ASIC2: variants seen among roughly 807,000 people sequenced by gnomAD.
ASIC2 encodes the protein acid-sensing ion channel 2.
In ASIC2, 25 loss-of-function variants were observed where a neutral mutation model predicts 57.3. That is an observed-to-expected ratio of 0.44 (90% CI 0.32 to 0.61). ASIC2 has a LOEUF of 0.61. ASIC2 is among the 20% of genes least tolerant of loss of function. The pLI is 0.06. For missense variants in ASIC2, 641 were observed against 738.1 expected (o/e 0.87, Z 1.52); for synonymous variants, 319 against 307.5 (o/e 1.04, Z -0.39).
intron 1 of ASIC2, among the ~76,000 whole-genome samples, chr17:33,463,905 C>T (rs1912724230): frequency 6.6e-6 from 1 of 152,192 alleles, no homozygotes; most frequent in South Asian, 2.1e-4. Context: ...GCACCTGGCA[C>T]ATAGGAGGGG....
intron 1 of ASIC2, among the ~76,000 whole-genome samples, chr17:34,118,039 C>T (rs1324496634): frequency 1.3e-5 from 2 of 152,156 alleles, no homozygotes; most frequent in Non-Finnish European, 2.9e-5. Flanking sequence ...CTTCTGGTGT[C>T]AGGCTGGGGG....
intron 1 of ASIC2, among the ~76,000 whole-genome samples, chr17:34,068,945 T>C (rs183952474): frequency 2.2e-4 from 33 of 152,234 alleles, no homozygotes; most frequent in Non-Finnish European, 4.4e-5. Context: ...GCATTTTAAC[T>C]GGGAGGAAAC....
At chr17:33,588,964 T>C (rs1230340126) in intron 1 of ASIC2, among the ~76,000 whole-genome samples, 4 of 152,224 alleles carry the variant, frequency 2.6e-5, no homozygotes, top group Admixed American at 6.5e-5. Context: ...AAGAATCAGA[T>C]AAATTTAAGA....
intron 1 of ASIC2, among the ~76,000 whole-genome samples, chr17:33,351,509 C>T (rs1049811185): frequency 3.9e-5 from 6 of 152,122 alleles, no homozygotes; most frequent in African/African-American, 1.4e-4. Flanking sequence ...TTACACAGCC[C>T]CCAGGTACAG....
chr17:33,955,695 C>A (rs1427247848), intron 1 of ASIC2, among the ~76,000 whole-genome samples: 1 of 152,154 alleles, frequency 6.6e-6, no homozygotes, highest in Non-Finnish European at 1.5e-5. Flanking sequence ...CTCAGAGACA[C>A]CAGCACTAGC....
At chr17:33,765,857 C>A (rs1428162009) in intron 1 of ASIC2, among the ~76,000 whole-genome samples, 4 of 152,196 alleles carry the variant, frequency 2.6e-5, no homozygotes, top group Admixed American at 2.0e-4. Context: ...CCCGTGGGCT[C>A]CGCTGTACCG....
chr17:33,044,946 C>A (rs1157703911), intron 3 of ASIC2, among the ~76,000 whole-genome samples: 1 of 152,028 alleles, frequency 6.6e-6, no homozygotes, highest in East Asian at 1.9e-4. Flanking sequence ...TTAGGCAGAT[C>A]AGGAGTGGGA....
At chr17:33,115,240 G>GT (rs2141990944) in intron 1 of ASIC2, among the ~76,000 whole-genome samples, 1 of 152,342 alleles carries the variant, frequency 6.6e-6, no homozygotes, top group South Asian at 2.1e-4. Context: ...TTAGAGCTTG[G>GT]TCAAGGGTGG....
intron 1 of ASIC2, among the ~76,000 whole-genome samples, chr17:33,789,292 A>G (rs1288784675): frequency 2.0e-5 from 3 of 152,144 alleles, no homozygotes; most frequent in African/African-American, 7.2e-5. Flanking sequence ...CTCACAGGAG[A>G]AGGAACATTT....
At chr17:33,807,141 C>T (rs1179757091) in intron 1 of ASIC2, among the ~76,000 whole-genome samples, 3 of 152,186 alleles carry the variant, frequency 2.0e-5, no homozygotes, top group Non-Finnish European at 4.4e-5. Context: ...AGTCATCTCC[C>T]CTACAGGACA....
chr17:33,838,616 G>A lies in ASIC2; in HGVS notation c.555+317362C>T, dbSNP rs1013531963. The stretch of plus-strand genomic sequence containing the variant: ...AATATCATTTAATTGCCGTAGAACT[G>A]GGGAACTGAGCCTGAGTTATTTTAT... On this transcript the variant is annotated intron_variant, in intron 1 of 9. Coordinates refer to the ASIC2 transcript ENST00000359872. Among the ~76,000 whole-genome samples the A allele has an allele frequency of 2.6e-5, 4 of 152,132 alleles. No homozygotes were observed. In the South Asian group the frequency reaches 8.3e-4, roughly 32 times the overall value.
chr17:33,159,847 C>A (rs142492234), intron 1 of ASIC2, among the ~76,000 whole-genome samples: 80 of 152,280 alleles, frequency 5.3e-4, no homozygotes, highest in African/African-American at 1.7e-3. Context: ...ATAGCACCGA[C>A]CTCCTATATC....
At chr17:33,495,281 C>T (rs535974616) in intron 1 of ASIC2, among the ~76,000 whole-genome samples, 3 of 152,236 alleles carry the variant, frequency 2.0e-5, no homozygotes, top group East Asian at 3.9e-4. Flanking sequence ...CTGATGGGTA[C>T]CCAGGGGATA....
At chr17:33,624,935 A>G (rs758777654) in intron 1 of ASIC2, among the ~76,000 whole-genome samples, 11 of 152,230 alleles carry the variant, frequency 7.2e-5, no homozygotes, top group Non-Finnish European at 1.2e-4. Context: ...CTAAATACCT[A>G]TCTTCAAAGA....
In ASIC2 at chr17:33,291,950, T is replaced by A. The variant is rs1157451163; in HGVS notation, c.166A>T (p.Arg56Trp). ...GCGCGGCTCAGCGATGGCCGCCCCC[T>A]GCGGGCGACCCCTGGCCCCTGCAGC... is the stretch of plus-strand genomic sequence containing the variant. The part of the protein sequence containing the change: ...RALQGPGVAR[R>W]GRPSLSRAKL... Residue 56 changes from arginine (R) to tryptophan (W), a missense_variant, in exon 1 of 10, where the codon AGG (arginine) becomes TGG (tryptophan). Arg to Trp is a moderately radical substitution (Grantham distance 101). This residue lies in a region of ASIC2 where 382 missense variants were observed against 398.0 expected (regional missense o/e 0.96). Transcript: ENST00000225823. The A allele has an allele frequency of 6.6e-7, 1 of 1,507,630 alleles. No homozygotes were observed. The highest frequency in any genetic ancestry group is 2.1e-5 in the Admixed American group (1 of 47,230). 93.4% of individuals were successfully genotyped at this position (1,507,630 alleles called of 1,614,324 possible).
At chr17:33,673,250 A>C (rs1043139032) in intron 1 of ASIC2, among the ~76,000 whole-genome samples, 28 of 152,122 alleles carry the variant, frequency 1.8e-4, no homozygotes, top group African/African-American at 6.5e-4. Context: ...ATTTCATTTT[A>C]ACTGAGGCAT....
intron 1 of ASIC2, among the ~76,000 whole-genome samples, chr17:33,351,643 G>A (rs1236917998): frequency 3.9e-5 from 6 of 152,256 alleles, no homozygotes; most frequent in East Asian, 3.9e-4. Context: ...AGCTGTACTC[G>A]TGATTATGAA....
chr17:33,401,949 C>T (rs1365343256), intron 1 of ASIC2, among the ~76,000 whole-genome samples: 1 of 152,138 alleles, frequency 6.6e-6, no homozygotes, highest in Non-Finnish European at 1.5e-5. Context: ...ACACGAATGA[C>T]CCAGAAGATT....
intron 1 of ASIC2, among the ~76,000 whole-genome samples, chr17:33,332,631 T>A (rs1047229368): frequency 6.6e-6 from 1 of 152,136 alleles, no homozygotes; most frequent in Non-Finnish European, 1.5e-5. Flanking sequence ...TGGCTCACGC[T>A]TGTAATCCCG....
Sources: allele counts gnomAD v4.1 joint callset (sites outside exome capture counted in the v4.1 genomes callset), GRCh38; gene constraint gnomAD v4.1.1; regional missense constraint gnomAD v4.1.1; transcripts MANE v1.5; gene names NCBI Gene and HGNC (gene_info 2026-07-23, HGNC 2026-07-21).